CADPS: variants seen among roughly 807,000 people sequenced by gnomAD.
The protein encoded by CADPS is calcium-dependent secretion activator 1.
CADPS carries 57 observed loss-of-function variants against 167.3 expected under a neutral mutation model. The ratio of observed to expected loss-of-function variants is 0.34; its 90% CI spans 0.28 to 0.42. The LOEUF is 0.42. Among genes scored for constraint, CADPS ranks in the 20% least tolerant of loss-of-function variants. The pLI, the probability that CADPS is intolerant of heterozygous loss-of-function variation, is 1.00. For missense variants in CADPS, 1,414 were observed against 1,738.1 expected (o/e 0.81, Z 3.32); for synonymous variants, 676 against 635.3 (o/e 1.06, Z -0.96).
intron 6 of CADPS, among the ~76,000 whole-genome samples, chr3:62,618,212 G>A (rs2062639525): frequency 6.6e-6 from 1 of 152,106 alleles, no homozygotes; most frequent in Non-Finnish European, 1.5e-5. Flanking sequence ...GAGGAGAAAG[G>A]CTACCTAAGA....
intron 1 of CADPS, among the ~76,000 whole-genome samples, chr3:62,835,134 T>C (rs2075709558): frequency 1.3e-5 from 2 of 152,236 alleles, no homozygotes; most frequent in South Asian, 4.1e-4. Context: ...GTCCCAGTAA[T>C]AGCTTTTGAA....
chr3:62,695,666 C>CTT (rs71123286), intron 3 of CADPS, among the ~76,000 whole-genome samples: 12,073 of 152,028 alleles, frequency 0.079, 632 homozygotes, highest in Non-Finnish European at 0.12. Flanking sequence ...GTTTTGGTTG[C>CTT]TTTTTTGTTT....
chr3:62,615,651 C>T (rs1260564440), intron 6 of CADPS, among the ~76,000 whole-genome samples: 1 of 152,140 alleles, frequency 6.6e-6, no homozygotes, highest in Non-Finnish European at 1.5e-5. Context: ...CTAACAGTGA[C>T]TGTCTCACAA....
chr3:62,627,131 TG>T (rs1554010247), intron 6 of CADPS, among the ~76,000 whole-genome samples: 1 of 1,192 alleles, frequency 8.4e-4, no homozygotes, highest in Non-Finnish European at 6.9e-3. Context: ...ACTTTCCAGT[TG>T]TGTGTGTGTG....
In CADPS at chr3:62,860,212, G is replaced by A. The variant is rs564656160; in HGVS notation, c.441+14377C>T. On this transcript the variant is annotated intron_variant, in intron 1 of 29. Coordinates refer to ENST00000383710, the MANE Select transcript of CADPS (RefSeq NM_003716.4). ...TCCTATTTGTTCCTCAGCTGCAAAT[G>A]CAGCCTCCTCCAGGAAGCAGGCTGT... is the stretch of plus-strand genomic sequence containing the variant. Among the ~76,000 whole-genome samples the A allele has an allele frequency of 2.9e-4, 44 of 152,226 alleles. 1 individual carries two copies. In the South Asian group the frequency reaches 8.9e-3, roughly 31 times the overall value.
At chr3:62,538,820 A>G (rs1026382177) in intron 11 of CADPS, among the ~76,000 whole-genome samples, 10 of 152,064 alleles carry the variant, frequency 6.6e-5, no homozygotes, top group African/African-American at 2.4e-4. Flanking sequence ...CTGATGACCT[A>G]TTTCACTTTG....
chr3:62,657,973 C>T (rs2072133479), intron 4 of CADPS, among the ~76,000 whole-genome samples: 1 of 152,102 alleles, frequency 6.6e-6, no homozygotes, highest in Non-Finnish European at 1.5e-5. Flanking sequence ...AATGCTGCTG[C>T]TTCATATGGG....
chr3:62,629,095 T>C (rs920386278), intron 6 of CADPS, among the ~76,000 whole-genome samples: 2 of 152,130 alleles, frequency 1.3e-5, no homozygotes, highest in African/African-American at 4.8e-5. Flanking sequence ...AAATTTTCTC[T>C]CCTGATGATT....
Position 62,481,722 on chromosome 3 carries a change from C to T in CADPS, c.3173+1G>A. 6.3e-7 allele frequency: 1 copy of T among 1,594,974 alleles called. No homozygotes were observed. The highest frequency in any genetic ancestry group is 8.5e-7 in the Non-Finnish European group (1 of 1,174,474). On this transcript the variant is annotated splice_donor_variant, in intron 22 of 29. Transcript: ENST00000383710. LOFTEE classifies it high-confidence loss of function. ...AGATCTAATGTGAACTGAATACACA[C>T]TCCGCATCATATATAGCAGCCATCC...
At chr3:62,809,930 T>G (rs1312954088) in intron 1 of CADPS, among the ~76,000 whole-genome samples, 1 of 152,202 alleles carries the variant, frequency 6.6e-6, no homozygotes, top group Non-Finnish European at 1.5e-5. Flanking sequence ...TGCCTTTTAA[T>G]TTTGCTGCAA....
At chr3:62,816,607 C>T (rs1005288578) in intron 1 of CADPS, among the ~76,000 whole-genome samples, 2 of 151,548 alleles carry the variant, frequency 1.3e-5, no homozygotes, top group African/African-American at 4.9e-5. Context: ...TTAAAGCAGC[C>T]ATGGCTAAAT....
At position 62,847,368 on chromosome 3, in the gene CADPS, G is replaced by A. The variant is rs1207281453; in HGVS notation, c.441+27221C>T. On this transcript the variant is annotated intron_variant, in intron 1 of 29. Transcript: ENST00000383710. ...ATGTATACATGTGCCATGCTGGTGC[G>A]CTGCACCCACTAACTCGTCATCTAG... is the stretch of plus-strand genomic sequence containing the variant. Among the ~76,000 whole-genome samples the A allele has an allele frequency of 2.5e-5, 3 of 118,306 alleles. 1 individual carries two copies. In the East Asian group the frequency reaches 7.4e-4, roughly 29 times the overall value. The allele number at this position is 118,306 out of a possible 152,430, so 77.6% of individuals were successfully genotyped here. A position where few individuals can be genotyped will look rare whatever the true frequency, so the allele number is the denominator to read the frequency against.
intron 1 of CADPS, among the ~76,000 whole-genome samples, chr3:62,819,423 T>C (rs978900091): frequency 2.0e-5 from 3 of 151,518 alleles, no homozygotes; most frequent in East Asian, 1.9e-4. Flanking sequence ...TGTGTGTGTG[T>C]GTGTGTGTGT....
chr3:62,647,550 C>T (rs1299564837), intron 5 of CADPS, among the ~76,000 whole-genome samples: 1 of 152,148 alleles, frequency 6.6e-6, no homozygotes, highest in Non-Finnish European at 1.5e-5. Context: ...GAAGTCACTT[C>T]ATTTTTCTTT....
At chr3:62,582,220 C>T (rs1395732995) in intron 8 of CADPS, among the ~76,000 whole-genome samples, 1 of 152,232 alleles carries the variant, frequency 6.6e-6, no homozygotes, top group African/African-American at 2.4e-5. Context: ...CCAAGGCAGG[C>T]AGATTGCTTG....
intron 6 of CADPS, among the ~76,000 whole-genome samples, chr3:62,604,443 C>A (rs833633): frequency 0.11 from 16,413 of 152,212 alleles, 1,052 homozygotes; most frequent in Middle Eastern, 0.28. Flanking sequence ...GACTGGAAGT[C>A]CGGCTGAGCC....
In CADPS at chr3:62,875,130, T is replaced by G; in HGVS notation, c.-101A>C. 2 of 1,322,644 alleles carry G rather than the reference T, an allele frequency of 1.5e-6. No homozygotes were observed. The highest frequency in any genetic ancestry group is 2.0e-6 in the Non-Finnish European group (2 of 1,023,322). The allele number at this position is 1,322,644 out of a possible 1,614,324, so 81.9% of individuals were successfully genotyped here. ...GGGATCAGCTCTCCCGGGTGGGCGC[T>G]TCTCCCCAGGTCAGGGAGCGAGAGC... On this transcript the variant is annotated 5_prime_UTR_variant, in exon 1 of 30. Transcript: ENST00000383710.
intron 6 of CADPS, among the ~76,000 whole-genome samples, chr3:62,598,441 T>C (rs912746751): frequency 1.1e-4 from 17 of 152,252 alleles, no homozygotes; most frequent in African/African-American, 4.1e-4. Context: ...TTATCTTCCT[T>C]TCCTCTGTAG....
Position 62,588,667 on chromosome 3 carries a change from T to C in CADPS, c.1438-3343A>G, listed in dbSNP as rs1048209356. On this transcript the variant is annotated intron_variant, in intron 7 of 29. Coordinates refer to ENST00000383710, the MANE Select transcript of CADPS (RefSeq NM_003716.4). The stretch of plus-strand genomic sequence containing the variant: ...AATAAATAAATTCAAGGCTATTCAC[T>C]GAAGCATTGTTTATATAGCCAAAGA... Among the ~76,000 whole-genome samples, 18 of 152,216 alleles carry C rather than the reference T, an allele frequency of 1.2e-4. 1 individual carries two copies. Among genetic ancestry groups the C allele is most frequent in the Non-Finnish European group, 2.4e-4 (16 of 68,044 alleles).
Sources: gnomAD v4.1 joint callset for allele counts (sites outside exome capture counted in the v4.1 genomes callset) on GRCh38, gnomAD v4.1.1 for gene constraint, MANE v1.5 for transcripts, NCBI Gene and HGNC (gene_info 2026-07-23, HGNC 2026-07-21) for gene names.